Variants in CCDC181 observed in about 807,000 individuals in gnomAD.
CCDC181 encodes the protein coiled-coil domain-containing protein 181.
CCDC181 carries 35 observed loss-of-function variants against 58.7 expected under a neutral mutation model. The ratio of observed to expected loss-of-function variants is 0.60; its 90% CI spans 0.46 to 0.79. The LOEUF (loss-of-function observed/expected upper bound fraction) is 0.79, where lower values mean the gene tolerates loss of function less well. Ranked by LOEUF, CCDC181 falls within the 30% of genes least tolerant of loss-of-function variation. CCDC181 has a pLI of 0.00. For synonymous variants in CCDC181, 183 were observed against 197.5 expected (o/e 0.93, Z 0.62); for missense variants, 517 against 583.9 (o/e 0.89, Z 1.18).
At chr1:169,423,478 CCT>C (rs1656579160) in intron 2 of CCDC181, among the ~76,000 whole-genome samples, 1 of 151,922 alleles carries the variant, frequency 6.6e-6, no homozygotes, top group Non-Finnish European at 1.5e-5. Context: ...AAAATCTTCC[CCT>C]GACCCTCTTA....
chr1:169,397,470 G>A (rs1426587473), intron 4 of CCDC181, 79 bp from the exon 5 acceptor site: 1 of 1,268,214 alleles, frequency 7.9e-7, no homozygotes, highest in Non-Finnish European at 1.1e-6. Context: ...GATCCTACAA[G>A]AATATATTTC....
intron 4 of CCDC181, chr1:169,418,799 C>A: frequency 3.9e-6 from 2 of 515,480 alleles, no homozygotes; most frequent in South Asian, 6.4e-5. Context: ...TCTGTTCCAT[C>A]AAAGTCTGAA....
At chr1:169,455,551 C>A (rs1262085403) in intron 2 of CCDC181, among the ~76,000 whole-genome samples, 1 of 152,028 alleles carries the variant, frequency 6.6e-6, no homozygotes, top group African/African-American at 2.4e-5. Context: ...TCTTTAGGAG[C>A]AATTCTATTT....
chr1:169,422,367 C>A, intron 2 of CCDC181, 54 bp from the exon 3 acceptor site: 1 of 1,286,102 alleles, frequency 7.8e-7, no homozygotes, highest in Non-Finnish European at 1.1e-6. Flanking sequence ...TATAAGTAGA[C>A]ATACAAAATG....
intron 1 of CCDC181, among the ~76,000 whole-genome samples, chr1:169,425,429 AT>A (rs1354529179): frequency 4.6e-5 from 7 of 152,120 alleles, no homozygotes; most frequent in African/African-American, 1.7e-4. Context: ...TTGGACTATA[AT>A]TCTTTCTAGA....
rs1049759126 is a variant in CCDC181 at position 169,457,507 on chromosome 1, A to G, written c.-24+2290T>C. Among the ~76,000 whole-genome samples the G allele has an allele frequency of 7.2e-5, 11 of 152,182 alleles. No homozygotes were observed. In the South Asian group the frequency reaches 1.0e-3, roughly 14 times the overall value. Reference sequence around the variant, plus strand: ...AACTTTAAGAAAAATGATGTACTGTATAATCAAACCAATTTTACCATAGGC... The same window carrying G: ...AACTTTAAGAAAAATGATGTACTGTGTAATCAAACCAATTTTACCATAGGC... On this transcript the variant is annotated intron_variant, in intron 2 of 6. Coordinates refer to the CCDC181 transcript ENST00000545005.
At chr1:169,452,358 A>G (rs1418281045) in intron 2 of CCDC181, among the ~76,000 whole-genome samples, 1 of 152,142 alleles carries the variant, frequency 6.6e-6, no homozygotes, top group Non-Finnish European at 1.5e-5. Context: ...CACTGTTTTG[A>G]CAGTAGTTTA....
At chr1:169,420,514 A>C (rs1263053731) in intron 3 of CCDC181, among the ~76,000 whole-genome samples, 1 of 152,092 alleles carries the variant, frequency 6.6e-6, no homozygotes, top group Non-Finnish European at 1.5e-5. Flanking sequence ...GAGAACTGGA[A>C]ATTTTTATTC....
intron 2 of CCDC181, among the ~76,000 whole-genome samples, chr1:169,440,999 C>T (rs1657214078): frequency 6.8e-6 from 1 of 146,834 alleles, no homozygotes; most frequent in African/African-American, 2.5e-5. Flanking sequence ...CCCATGGCAG[C>T]CTCTGAAATA....
chr1:169,452,442 G>A (rs1302089228), intron 2 of CCDC181: 1 of 152,006 alleles, frequency 6.6e-6, no homozygotes, highest in Non-Finnish European at 1.5e-5. Flanking sequence ...TCTTTTCAAG[G>A]AGTTTTACTC....
chr1:169,446,092 T>C (rs1216126740), intron 2 of CCDC181, among the ~76,000 whole-genome samples: 1 of 152,172 alleles, frequency 6.6e-6, no homozygotes, highest in Non-Finnish European at 1.5e-5. Flanking sequence ...CTGTTATCAA[T>C]TTCGTTGATT....
At chr1:169,426,263 A>G (rs1168504541) in intron 1 of CCDC181, among the ~76,000 whole-genome samples, 1 of 152,202 alleles carries the variant, frequency 6.6e-6, no homozygotes, top group Non-Finnish European at 1.5e-5. Flanking sequence ...AACCCCTTCA[A>G]TTCTTTTAAT....
chr1:169,424,496 T>C (rs1410629025), intron 2 of CCDC181, among the ~76,000 whole-genome samples: 1 of 151,912 alleles, frequency 6.6e-6, no homozygotes, highest in Non-Finnish European at 1.5e-5. Flanking sequence ...CTGTATTTTT[T>C]ACTTTCGATG....
intron 2 of CCDC181, among the ~76,000 whole-genome samples, chr1:169,452,368 A>G (rs1425861295): frequency 6.6e-6 from 1 of 152,178 alleles, no homozygotes; most frequent in Non-Finnish European, 1.5e-5. Context: ...ACAGTAGTTT[A>G]AGTGGAATGA....
intron 4 of CCDC181, among the ~76,000 whole-genome samples, chr1:169,413,881 C>G: frequency 6.9e-6 from 1 of 144,334 alleles, no homozygotes; most frequent in East Asian, 2.0e-4. Flanking sequence ...GGGTGGGGGG[C>G]TAGGGGAGGG....
intron 4 of CCDC181, among the ~76,000 whole-genome samples, chr1:169,399,060 T>C (rs2102039999): frequency 6.6e-6 from 1 of 152,218 alleles, no homozygotes; most frequent in Middle Eastern, 3.4e-3. Flanking sequence ...GTCAGGGAAG[T>C]AGTAGGGATC....
intron 2 of CCDC181, among the ~76,000 whole-genome samples, chr1:169,435,805 T>G (rs1230865037): frequency 6.6e-6 from 1 of 152,210 alleles, no homozygotes; most frequent in Admixed American, 6.5e-5. Flanking sequence ...TGCTACATTA[T>G]CAAACATTTT....
At chr1:169,397,471 A>G in intron 4 of CCDC181, 80 bp from the exon 5 acceptor site, 1 of 1,263,886 alleles carries the variant, frequency 7.9e-7, no homozygotes. Context: ...ATCCTACAAG[A>G]ATATATTTCC....
intron 2 of CCDC181, among the ~76,000 whole-genome samples, chr1:169,453,972 C>T (rs1657618452): frequency 6.6e-6 from 1 of 152,014 alleles, no homozygotes. Flanking sequence ...CTGTATGATA[C>T]ATGTGGATTC....
Sources: allele counts gnomAD v4.1 joint callset (sites outside exome capture counted in the v4.1 genomes callset), GRCh38; gene constraint gnomAD v4.1.1; transcripts MANE v1.5; gene names NCBI Gene and HGNC (gene_info 2026-07-23, HGNC 2026-07-21).